EXT2: variants seen among roughly 807,000 people sequenced by gnomAD.
EXT2 encodes the protein exostosin glycosyltransferase 2, also known as exostosin-2.
Under a neutral mutation model 81.6 loss-of-function variants are expected in EXT2, and 53 were observed. That is an observed-to-expected ratio of 0.65 (90% confidence interval 0.52 to 0.82). The LOEUF is 0.82. Ranked by LOEUF, EXT2 falls within the 40% of genes least tolerant of loss-of-function variation. The pLI, the probability that EXT2 is intolerant of heterozygous loss-of-function variation, is 0.00. For missense variants in EXT2, 774 were observed against 910.2 expected (o/e 0.85, Z 1.93); for synonymous variants, 320 against 340.0 (o/e 0.94, Z 0.65).
At chr11:44,098,218 C>T (rs1953928770) in intron 1 of EXT2, among the ~76,000 whole-genome samples, 1 of 152,066 alleles carries the variant, frequency 6.6e-6, no homozygotes, top group African/African-American at 2.4e-5. Context: ...GACTTGTTTC[C>T]TCGGATGATG....
chr11:44,243,618 C>CTTTTTTTTTTTTTTTTTTTTTTTT (rs1215047805), intron 13 of EXT2, among the ~76,000 whole-genome samples: 2 of 72,894 alleles, frequency 2.7e-5, no homozygotes, highest in Non-Finnish European at 5.1e-5. Flanking sequence ...GCCCTGTCAC[C>CTTTTTTTTTTTTTTTTTTTTTTTT]TTTTTTTTTT....
At position 44,249,080 on chromosome 11, in the gene EXT2, T is replaced by C. The variant is rs1309751951; in HGVS notation, c.*4793T>C. On this transcript the variant is annotated 3_prime_UTR_variant, in exon 14 of 14. Coordinates refer to ENST00000533608, the MANE Select transcript of EXT2 (RefSeq NM_207122.2). ...GCTGTGATCATGGCTCGCTGCAGCC[T>C]CAAACTCCTGGACTCAAGCAGTCTT... is the stretch of plus-strand genomic sequence containing the variant. Among the ~76,000 whole-genome samples, 1 of 152,140 alleles carries C rather than the reference T, an allele frequency of 6.6e-6. No homozygotes were observed. The highest frequency in any genetic ancestry group is 6.6e-5 in the Admixed American group (1 of 15,266).
chr11:44,186,465 G>A (rs1394200576), intron 8 of EXT2, among the ~76,000 whole-genome samples: 2 of 152,188 alleles, frequency 1.3e-5, no homozygotes, highest in Non-Finnish European at 2.9e-5. Context: ...GCAAGAGGAG[G>A]ATGAAATGTC....
intron 7 of EXT2, among the ~76,000 whole-genome samples, chr11:44,161,201 C>T (rs1954922931): frequency 6.6e-6 from 1 of 152,168 alleles, no homozygotes; most frequent in Non-Finnish European, 1.5e-5. Flanking sequence ...TTCAACTTAA[C>T]ATTTAAGGCA....
chr11:44,240,830 G>A (rs768852566), intron 13 of EXT2, among the ~76,000 whole-genome samples: 3 of 152,184 alleles, frequency 2.0e-5, no homozygotes, highest in Non-Finnish European at 4.4e-5. Flanking sequence ...TAGATAAAGA[G>A]ATGATGTTAC....
chr11:44,123,698 GATTTTGGAGC>G (rs2135011768), intron 4 of EXT2, among the ~76,000 whole-genome samples: 1 of 152,252 alleles, frequency 6.6e-6, no homozygotes, highest in East Asian at 1.9e-4. Flanking sequence ...GAAAGCTTTG[GATTTTGGAGC>G]ATTTTGGACT....
At position 44,106,634 on chromosome 11, in the gene EXT2, A is replaced by AT. The variant is rs961901306; in HGVS notation, c.-30-1038dup. ...TGAATGAATAAGTGAACGAAAACAGATTTTTTTTTTTATGACACAGAGTCT... is the reference window on the plus strand; with the variant it reads ...TGAATGAATAAGTGAACGAAAACAGATTTTTTTTTTTTATGACACAGAGTCT... On this transcript the variant is annotated intron_variant, in intron 1 of 13. Coordinates refer to ENST00000533608, the MANE Select transcript of EXT2 (RefSeq NM_207122.2). Among the ~76,000 whole-genome samples the AT allele has an allele frequency of 1.9e-3, 280 of 148,422 alleles. 1 individual carries two copies. Among genetic ancestry groups the AT allele is most frequent in the African/African-American group, 2.5e-3 (101 of 40,650 alleles).
intron 10 of EXT2, among the ~76,000 whole-genome samples, chr11:44,231,715 T>C (rs964511121): frequency 2.0e-5 from 3 of 152,186 alleles, no homozygotes. Flanking sequence ...CAGAAACACA[T>C]GGGAGAAGGT....
At chr11:44,215,212 A>T (rs767318882) in intron 10 of EXT2, among the ~76,000 whole-genome samples, 1 of 151,992 alleles carries the variant, frequency 6.6e-6, no homozygotes, top group Non-Finnish European at 1.5e-5. Flanking sequence ...ATTGATTTCA[A>T]TATTTGTTTT....
chr11:44,215,050 T>C (rs1171976802), intron 10 of EXT2, among the ~76,000 whole-genome samples: 1 of 152,204 alleles, frequency 6.6e-6, no homozygotes, highest in African/African-American at 2.4e-5. Context: ...CATGAGCCAC[T>C]GCACCTGGCC....
chr11:44,208,769 A>G (rs776245465), intron 10 of EXT2, among the ~76,000 whole-genome samples: 2 of 152,248 alleles, frequency 1.3e-5, no homozygotes, highest in African/African-American at 2.4e-5. Flanking sequence ...AAGTAAGGTT[A>G]GATAACTTGC....
chr11:44,169,668 C>T (rs898053453), intron 7 of EXT2, among the ~76,000 whole-genome samples: 19 of 152,104 alleles, frequency 1.2e-4, no homozygotes, highest in African/African-American at 4.3e-4. Context: ...AACCCAGTAA[C>T]AGATTGATTA....
At chr11:44,168,214 GT>G (rs35066686) in intron 7 of EXT2, among the ~76,000 whole-genome samples, 87,937 of 151,748 alleles carry the variant, frequency 0.58, 25,824 homozygotes, top group Middle Eastern at 0.71. Flanking sequence ...TAATACATGG[GT>G]TTAATAGCAG....
At chr11:44,168,861 T>C (rs1320663543) in intron 7 of EXT2, among the ~76,000 whole-genome samples, 1 of 152,206 alleles carries the variant, frequency 6.6e-6, no homozygotes, top group African/African-American at 2.4e-5. Context: ...GAAGATGATA[T>C]GTGATGGAAG....
intron 8 of EXT2, among the ~76,000 whole-genome samples, chr11:44,193,700 G>A (rs979209431): frequency 3.9e-5 from 6 of 152,154 alleles, no homozygotes; most frequent in Admixed American, 1.3e-4. Context: ...CTTACATACT[G>A]CCTCCTGTGT....
intron 4 of EXT2, among the ~76,000 whole-genome samples, chr11:44,119,143 T>C (rs955570642): frequency 0.012 from 555 of 45,108 alleles, 62 homozygotes; most frequent in Middle Eastern, 0.051. Context: ...TATATATATA[T>C]ATATATATAT....
At chr11:44,180,032 C>G (rs1321937330) in intron 8 of EXT2, among the ~76,000 whole-genome samples, 1 of 151,960 alleles carries the variant, frequency 6.6e-6, no homozygotes, top group Non-Finnish European at 1.5e-5. Context: ...TTTTTTTTCC[C>G]TCAGCTATAT....
chr11:44,182,711 C>T (rs535291537), intron 8 of EXT2, among the ~76,000 whole-genome samples: 8 of 152,194 alleles, frequency 5.3e-5, no homozygotes, highest in Non-Finnish European at 1.2e-4. Context: ...ATATAATGCA[C>T]CTTTATCTCT....
In EXT2 at chr11:44,251,829, C is replaced by G. The variant is rs1270771127; in HGVS notation, c.*7542C>G. ...CAGTTATTGTGTGCCAGATACTGTT[C>G]TTGGTGTGAGGATATGGCACTGAAC... On this transcript the variant is annotated 3_prime_UTR_variant, in exon 14 of 14. Transcript: ENST00000533608. 6.6e-6 allele frequency among the ~76,000 whole-genome samples: 1 copy of G among 152,162 alleles called. No homozygotes were observed. Among genetic ancestry groups the G allele is most frequent in the South Asian group, 2.1e-4 (1 of 4,832 alleles).
Sources: allele counts gnomAD v4.1 joint callset (sites outside exome capture counted in the v4.1 genomes callset), GRCh38; gene constraint gnomAD v4.1.1; transcripts MANE v1.5; gene names NCBI Gene and HGNC (gene_info 2026-07-23, HGNC 2026-07-21).